FASN: variants seen among roughly 807,000 people sequenced by gnomAD.
The protein encoded by FASN is fatty acid synthase.
A neutral mutation model predicts 250.0 loss-of-function variants in FASN; 50 were observed. The ratio of observed to expected loss-of-function variants is 0.20; its 90% confidence interval spans 0.16 to 0.25. FASN has a LOEUF of 0.25. Ranked by LOEUF, FASN falls within the 10% of genes least tolerant of loss-of-function variation. FASN has a pLI of 1.00. For synonymous variants in FASN, 1,909 were observed against 1,584.0 expected (o/e 1.21, Z -4.87); for missense variants, 3,031 against 3,498.5 (o/e 0.87, Z 3.37).
chr17:82,082,179 C>T lies in FASN; in HGVS notation c.6012-19G>A, dbSNP rs755848378. Reference sequence around the variant, plus strand: ...GGTCACCCTGTGGGCACGCGTGTCACTCCCCATTGGCCAGCATCCCCAGGA... The same window carrying T: ...GGTCACCCTGTGGGCACGCGTGTCATTCCCCATTGGCCAGCATCCCCAGGA... On this transcript the variant is annotated intron_variant, in intron 35 of 42. Transcript: ENST00000306749. 41 of 1,601,372 alleles carry T rather than the reference C, an allele frequency of 2.6e-5. No homozygotes were observed. The highest frequency in any genetic ancestry group is 3.3e-5 in the Non-Finnish European group (39 of 1,179,904).
At position 82,081,752 on chromosome 17, in the gene FASN, G is replaced by A; in HGVS notation, c.6255C>T (p.Pro2085=). The A allele has an allele frequency of 6.2e-7, 1 of 1,612,692 alleles. No individual in the cohort carries two copies. Among genetic ancestry groups the A allele is most frequent in the Non-Finnish European group, 8.5e-7 (1 of 1,180,006 alleles). ...CCTCCAGGCAGGACGCCATGCGCTG[G>A]GGCAGCGTGCCACTGACGATCGTGT... The part of the protein sequence containing the change: ...TNDTIVSGTL[P]QRMASCLEVL... The change falls in exon 37 of 43, where the codon CCC becomes CCT. Residue 2085 remains proline, a synonymous_variant. Coordinates refer to ENST00000306749, the MANE Select transcript of FASN (RefSeq NM_004104.5).
chr17:82,089,527 G>T, intron 12 of FASN, 105 bp downstream of exon 12: 1 of 1,544,368 alleles, frequency 6.5e-7, no homozygotes, highest in Non-Finnish European at 8.8e-7. Flanking sequence ...CATGCCCCAG[G>T]CCCGTCAGAG....
Position 82,081,189 on chromosome 17 carries a change from C to T in FASN, c.6570G>A (p.Leu2190=), listed in dbSNP as rs1002712244. The stretch of plus-strand genomic sequence containing the variant: ...CGCTGGCCTCATCCGCCTTTGAGGA[C>T]AGCTCCTGCAGTTTCCGGAGCGTGA... ...RQLTLRKLQE[L]SSKADEASEL... The change falls in exon 38 of 43, where the codon CTG becomes CTA. Residue 2190 remains leucine (L), a synonymous_variant. Coordinates refer to ENST00000306749, the MANE Select transcript of FASN (RefSeq NM_004104.5). 1.1e-5 allele frequency: 18 copies of T among 1,593,446 alleles called. No homozygotes were observed. Among genetic ancestry groups the T allele is most frequent in the Non-Finnish European group, 1.5e-5 (18 of 1,171,184 alleles).
chr17:82,079,804 A>C, intron 41 of FASN, 196 bp from the exon 42 acceptor site: 3 of 750,620 alleles, frequency 4.0e-6, no homozygotes, highest in Non-Finnish European at 6.3e-6. Flanking sequence ...CGCAACCTCC[A>C]CCTACCCGGT....
intron 1 of FASN, chr17:82,097,622 C>T (rs1407911098): frequency 1.3e-5 from 2 of 152,206 alleles, no homozygotes; most frequent in African/African-American, 4.8e-5. Context: ...GCCCGGCCTC[C>T]CTTCGCCCCG....
rs774014857 is a variant in FASN, at chr17:82,086,361, G to A, written c.3625C>T (p.Leu1209=). 6.2e-7 allele frequency: 1 copy of A among 1,608,788 alleles called. No individual in the cohort carries two copies. Among genetic ancestry groups the A allele is most frequent in the South Asian group, 1.1e-5 (1 of 90,938 alleles). ...AQVLAQERPK[L]PEDPLLSGLL... ...CCGCTGAGCAGAGGGTCCTCTGGCA[G>A]CTTGGGCCTCTCCTGGGCCAGCACC... The change falls in exon 22 of 43, where the codon CTG becomes TTG. Residue 1209 remains leucine, a synonymous_variant. Transcript: ENST00000306749.
In FASN at chr17:82,090,454, C is replaced by T; in HGVS notation, c.1791G>A (p.Glu597=). The change falls in exon 11 of 43, where the codon GAG becomes GAA. Residue 597 remains glutamate (E), a synonymous_variant. Transcript: ENST00000306749. ...CGYADGCLSQ[E]EAVLAAYWRG... ...TCCAGTAGGCAGCGAGGACGGCCTC[C>T]TCCTGGGACAGGCAGCCGTCGGCGT... The T allele has an allele frequency of 1.9e-6, 3 of 1,607,046 alleles. No homozygotes were observed. Among genetic ancestry groups the T allele is most frequent in the South Asian group, 1.1e-5 (1 of 89,990 alleles).
intron 11 of FASN, 66 bp from the exon 12 acceptor site, chr17:82,089,792 C>A: frequency 7.5e-7 from 1 of 1,340,240 alleles, no homozygotes; most frequent in Non-Finnish European, 1.0e-6. Flanking sequence ...CCCACCCACC[C>A]AGACACTGCC....
In FASN at chr17:82,088,105, G is replaced by A; in HGVS notation, c.2785+11C>T. The A allele has an allele frequency of 4.3e-6, 7 of 1,612,754 alleles. No individual in the cohort carries two copies. Among genetic ancestry groups the A allele is most frequent in the Non-Finnish European group, 5.9e-6 (7 of 1,179,962 alleles). The stretch of plus-strand genomic sequence containing the variant: ...CAGCTACCCCCGCCTTGGTCCTGGG[G>A]TACCCCTCACCAGTCTTGGGCAGGA... On this transcript the variant is annotated intron_variant, in intron 17 of 42. Coordinates refer to ENST00000306749, the MANE Select transcript of FASN (RefSeq NM_004104.5).
chr17:82,095,497 T>G (rs2034288934), intron 2 of FASN, 25 bp from the exon 3 acceptor site: 1 of 1,609,778 alleles, frequency 6.2e-7, no homozygotes. Context: ...GGTGTTTAAA[T>G]CTCTGACGGA....
rs2033973823 is a variant in FASN, at chr17:82,080,798, C to CG, written c.6719dup (p.Glu2241GlyfsTer40). The CG allele has an allele frequency of 6.2e-7, 1 of 1,606,958 alleles. No individual in the cohort carries two copies. Among genetic ancestry groups the CG allele is most frequent in the Non-Finnish European group, 8.5e-7 (1 of 1,177,846 alleles). Reference sequence around the variant, plus strand: ...GGTGCACCAGGAACAGGGGCCGCTCCGAGCTCTGCACGGAGTTGAGCCGCA... The same window carrying CG: ...GGTGCACCAGGAACAGGGGCCGCTCCGGAGCTCTGCACGGAGTTGAGCCGCA... On this transcript the variant is annotated frameshift_variant, in exon 39 of 43. Transcript: ENST00000306749. LOFTEE classifies it high-confidence loss of function.
At chr17:82,090,279 CCT>C (rs2034178960) in intron 11 of FASN, 94 bp downstream of exon 11, 1 of 1,292,898 alleles carries the variant, frequency 7.7e-7, no homozygotes, top group African/African-American at 1.5e-5. Context: ...GCCACTCTAT[CCT>C]ACGGGGGCCA....
chr17:82,083,484 T>C (rs2034029074), intron 31 of FASN, 33 bp downstream of exon 31: 2 of 1,612,668 alleles, frequency 1.2e-6, no homozygotes, highest in Non-Finnish European at 1.7e-6. Flanking sequence ...CACCCATCCA[T>C]GCCCACCCCC....
In FASN at chr17:82,078,747, G is replaced by A. The variant is rs112727550; in HGVS notation, c.*396C>T. The A allele has an allele frequency of 3.1e-6, 1 of 324,000 alleles. No individual in the cohort carries two copies. Among genetic ancestry groups the A allele is most frequent in the East Asian group, 8.3e-5 (1 of 11,986 alleles). The allele number at this position is 324,000 out of a possible 1,614,324, so 20.1% of individuals were successfully genotyped here. On this transcript the variant is annotated 3_prime_UTR_variant, in exon 43 of 43. Transcript: ENST00000306749. This position sits in a 1 kb window ranked among gnomAD's most constrained non-coding sequence, Gnocchi z 5.4. ...ATCGGGGAAATGGGGGCAGAGTGCG[G>A]GACCCACACGCTGCCTGAGGAGTCT...
chr17:82,082,217 C>T, intron 35 of FASN, 57 bp from the exon 36 acceptor site: 1 of 1,601,494 alleles, frequency 6.2e-7, no homozygotes. Flanking sequence ...CCCCAACGTC[C>T]CATCCCCAGG....
chr17:82,080,114 C>T (rs375551556), intron 41 of FASN, 26 bp downstream of exon 41: 75 of 1,601,164 alleles, frequency 4.7e-5, no homozygotes, highest in African/African-American at 2.9e-4. Flanking sequence ...CTGGGTCCTG[C>T]GGCCTCAGGG....
chr17:82,095,876 G>T (rs2034294128), intron 2 of FASN, among the ~76,000 whole-genome samples: 1 of 152,208 alleles, frequency 6.6e-6, no homozygotes, highest in East Asian at 1.9e-4. Flanking sequence ...AGCACATCTG[G>T]TATGCAACCT....
At position 82,085,431 on chromosome 17, in the gene FASN, C is replaced by A. The variant is rs745923765; in HGVS notation, c.4123-29G>T. ...TGGGGGCGGTGGTCAGCACCCTGCCCGCCTGGCCCTCACCCGGCCCCCACC... is the reference window on the plus strand; with the variant it reads ...TGGGGGCGGTGGTCAGCACCCTGCCAGCCTGGCCCTCACCCGGCCCCCACC... On this transcript the variant is annotated intron_variant, in intron 23 of 42. Transcript: ENST00000306749. 5.6e-6 allele frequency: 9 copies of A among 1,602,154 alleles called. No individual in the cohort carries two copies. The East Asian group carries it at 1.8e-4, about 32-fold the overall frequency.
In FASN at chr17:82,083,339, C is replaced by T. The variant is rs984004667; in HGVS notation, c.5428G>A (p.Val1810Met). The T allele has an allele frequency of 1.9e-6, 3 of 1,612,610 alleles. No homozygotes were observed. Among genetic ancestry groups the T allele is most frequent in the South Asian group, 1.1e-5 (1 of 91,088 alleles). Residue 1810 changes from valine to methionine, a missense_variant, in exon 32 of 43, where the codon GTG (valine) becomes ATG (methionine). Physicochemically the swap from Val to Met is conservative, Grantham distance 21. Coordinates refer to ENST00000306749, the MANE Select transcript of FASN (RefSeq NM_004104.5). ...FNESSADWRE[V>M]WALVQAGIRD... is the part of the protein sequence containing the mutation. Reference sequence around the variant, plus strand: ...ATGCCGGCCTGCACAAGCGCCCACACCTCCCGCCAGTCAGCACTGCTCTCG... The same window carrying T: ...ATGCCGGCCTGCACAAGCGCCCACATCTCCCGCCAGTCAGCACTGCTCTCG...
Sources: gnomAD v4.1 joint callset for allele counts (sites outside exome capture counted in the v4.1 genomes callset) on GRCh38, gnomAD v4.1.1 for gene constraint, Gnocchi (gnomAD v3.1) non-coding constraint, MANE v1.5 for transcripts, NCBI Gene and HGNC (gene_info 2026-07-23, HGNC 2026-07-21) for gene names.